FAM227A: variants seen among roughly 807,000 people sequenced by gnomAD.
The protein encoded by FAM227A is family with sequence similarity 227 member A, also known as protein FAM227A.
FAM227A carries 80 observed loss-of-function variants against 74.7 expected under a neutral mutation model. That is an observed-to-expected ratio of 1.07 (90% CI 0.89 to 1.29). The LOEUF is 1.29. Ranked by LOEUF, FAM227A falls within the 50% of genes most tolerant of loss-of-function variation. The pLI is 0.00. For missense variants in FAM227A, 654 were observed against 683.4 expected, an observed-to-expected ratio of 0.96 and a Z score of 0.48; for synonymous variants, 237 against 241.8, an observed-to-expected ratio of 0.98 and a Z score of 0.19.
intron 13 of FAM227A, among the ~76,000 whole-genome samples, chr22:38,602,978 A>G (rs1428312945): frequency 6.6e-6 from 1 of 152,090 alleles, no homozygotes; most frequent in Non-Finnish European, 1.5e-5. Flanking sequence ...GGTTCAAGCA[A>G]TTCTCCTGCC....
At chr22:38,652,625 G>A (rs374453754) in intron 1 of FAM227A, among the ~76,000 whole-genome samples, 3 of 140,488 alleles carry the variant, frequency 2.1e-5, no homozygotes, top group African/African-American at 5.3e-5. Context: ...GGTGGCTTAC[G>A]CCTATAATCC....
intron 2 of FAM227A, among the ~76,000 whole-genome samples, chr22:38,647,210 A>G (rs576957051): frequency 6.6e-6 from 1 of 152,208 alleles, no homozygotes; most frequent in African/African-American, 2.4e-5. Context: ...CACGCCTGTA[A>G]TCTCAGCCCT....
At chr22:38,617,408 G>T (rs2091601761) in intron 11 of FAM227A, among the ~76,000 whole-genome samples, 3 of 149,776 alleles carry the variant, frequency 2.0e-5, no homozygotes, top group South Asian at 4.2e-4. Flanking sequence ...CAAATCTCTT[G>T]CCTCAGTCTC....
rs1420029091 is a variant in FAM227A, at chr22:38,580,124, T to A, written c.*6001A>T. ...TTTGTAGAGACAAGGTCTCACTATG[T>A]TACCCGGTTTGGTCTCACCTCCTGG... On this transcript the variant is annotated 3_prime_UTR_variant, in exon 17 of 17. Coordinates refer to ENST00000535113, the MANE Select transcript of FAM227A (RefSeq NM_001013647.2). The A allele has an allele frequency of 6.6e-6, 1 of 152,224 alleles. No individual in the cohort carries two copies. The highest frequency in any genetic ancestry group is 6.5e-5 in the Admixed American group (1 of 15,274). 9.4% of individuals were successfully genotyped at this position (152,224 alleles called of 1,614,324 possible).
chr22:38,628,978 T>C lies in FAM227A; in HGVS notation c.520-43A>G, dbSNP rs767319091. ...ACAGTATTATTATTGTTGTTATCTTTTTAAAAATCCATCTGGAGTCAATGT... is the reference window on the plus strand; with the variant it reads ...ACAGTATTATTATTGTTGTTATCTTCTTAAAAATCCATCTGGAGTCAATGT... On this transcript the variant is annotated intron_variant, in intron 6 of 16. Coordinates refer to ENST00000535113, the MANE Select transcript of FAM227A (RefSeq NM_001013647.2). The C allele has an allele frequency of 3.1e-5, 37 of 1,203,710 alleles. No individual in the cohort carries two copies. The Admixed American group carries it at 4.3e-4, about 14-fold the overall frequency. The allele number at this position is 1,203,710 out of a possible 1,614,324, so 74.6% of individuals were successfully genotyped here.
Position 38,638,736 on chromosome 22 carries a change from G to A in FAM227A, c.372+10C>T. On this transcript the variant is annotated intron_variant, in intron 5 of 16. Transcript: ENST00000535113. ...CCGGTCAGAAACAGACACAGCAGTA[G>A]ATCCCTTACCCTTTTTATAACAGAA... 1.3e-6 allele frequency: 2 copies of A among 1,540,410 alleles called. No homozygotes were observed. Among genetic ancestry groups the A allele is most frequent in the Non-Finnish European group, 1.8e-6 (2 of 1,136,988 alleles).
intron 16 of FAM227A, among the ~76,000 whole-genome samples, chr22:38,590,104 A>G (rs903367802): frequency 2.0e-5 from 3 of 151,334 alleles, no homozygotes; most frequent in African/African-American, 7.3e-5. Flanking sequence ...AAAACAAAAC[A>G]AAACAAAACA....
chr22:38,623,853 T>C (rs2091742488), intron 9 of FAM227A, among the ~76,000 whole-genome samples: 1 of 152,192 alleles, frequency 6.6e-6, no homozygotes, highest in Non-Finnish European at 1.5e-5. Flanking sequence ...CTTAGCTTAG[T>C]GCCAGAAATG....
intron 13 of FAM227A, among the ~76,000 whole-genome samples, chr22:38,600,778 C>G (rs1288019475): frequency 6.6e-6 from 1 of 151,624 alleles, no homozygotes; most frequent in African/African-American, 2.4e-5. Context: ...ATGGTAAAAC[C>G]CTGTCTCTAC....
chr22:38,628,989 A>T, intron 6 of FAM227A, 54 bp from the exon 7 acceptor site: 1 of 1,084,970 alleles, frequency 9.2e-7, no homozygotes, highest in Non-Finnish European at 1.3e-6. Flanking sequence ...TTAAAAATCC[A>T]TCTGGAGTCA....
Position 38,582,010 on chromosome 22 carries a change from T to C in FAM227A, c.*4115A>G. 1 of 224,992 alleles carries C rather than the reference T, an allele frequency of 4.4e-6. No individual in the cohort carries two copies. Among genetic ancestry groups the C allele is most frequent in the Non-Finnish European group, 8.7e-6 (1 of 114,860 alleles). 13.9% of individuals were successfully genotyped at this position (224,992 alleles called of 1,614,324 possible). A position where few individuals can be genotyped will look rare whatever the true frequency, so the allele number is the denominator to read the frequency against. Reference sequence around the variant, plus strand: ...CTCTTGCCTTGGCCTTCCAAAGTGCTGGGATTACAGGTGTGAGCCACCATG... The same window carrying C: ...CTCTTGCCTTGGCCTTCCAAAGTGCCGGGATTACAGGTGTGAGCCACCATG... On this transcript the variant is annotated 3_prime_UTR_variant, in exon 17 of 17. Transcript: ENST00000535113.
chr22:38,647,471 CA>C (rs145409758), intron 2 of FAM227A, among the ~76,000 whole-genome samples: 1 of 151,540 alleles, frequency 6.6e-6, no homozygotes, highest in Non-Finnish European at 1.5e-5. Context: ...AACGAAACAA[CA>C]AAAAAAAGAA....
Position 38,650,032 on chromosome 22 carries a change from G to C in FAM227A, c.137C>G (p.Pro46Arg). Residue 46 changes from proline to arginine, a missense_variant, in exon 2 of 17, where the codon CCA becomes CGA. Physicochemically the swap from Pro to Arg is moderately radical, Grantham distance 103. Transcript: ENST00000535113. ...KTVRKELENN[P>R]PSCLIGSMHQ... ...TGACATCACCAGAAGGATACAGGGT[G>C]GATTGTTCTCTAACTCCTTCCTCAC... The C allele has an allele frequency of 9.0e-6, 14 of 1,552,218 alleles. No individual in the cohort carries two copies. The highest frequency in any genetic ancestry group is 1.1e-5 in the Non-Finnish European group (13 of 1,147,114).
chr22:38,612,611 G>C (rs952232588), intron 11 of FAM227A, among the ~76,000 whole-genome samples: 2 of 152,156 alleles, frequency 1.3e-5, no homozygotes, highest in Admixed American at 6.6e-5. Flanking sequence ...CTGGGGTGCA[G>C]ACATTTCACC....
chr22:38,616,751 C>T (rs574126529), intron 11 of FAM227A, among the ~76,000 whole-genome samples: 10 of 151,816 alleles, frequency 6.6e-5, no homozygotes, highest in African/African-American at 2.4e-4. Context: ...GATGAAAGCA[C>T]GGCTGTTCAG....
chr22:38,645,811 G>A (rs1203473613), intron 2 of FAM227A, among the ~76,000 whole-genome samples, 166 bp from the exon 3 acceptor site: 2 of 151,864 alleles, frequency 1.3e-5, no homozygotes, highest in Non-Finnish European at 2.9e-5. Flanking sequence ...TCTGAGACAG[G>A]GCCACGCTTT....
chr22:38,596,643 C>T (rs1277422528), intron 15 of FAM227A, among the ~76,000 whole-genome samples: 1 of 151,834 alleles, frequency 6.6e-6, no homozygotes, highest in Admixed American at 6.6e-5. Context: ...GAATACTTGG[C>T]AAATGCCTGA....
chr22:38,626,959 T>C (rs1400713095), intron 8 of FAM227A, among the ~76,000 whole-genome samples: 1 of 142,580 alleles, frequency 7.0e-6, no homozygotes, highest in Non-Finnish European at 1.5e-5. Flanking sequence ...TAGCTAGGTG[T>C]GGTGGTGCAT....
At chr22:38,639,464 T>C (rs918525752) in intron 4 of FAM227A, 191 bp downstream of exon 4, 1 of 638,426 alleles carries the variant, frequency 1.6e-6, no homozygotes, top group Non-Finnish European at 2.8e-6. Flanking sequence ...GTGCCACATG[T>C]AGGTGGTCTC....
Sources: gnomAD v4.1 joint callset for allele counts (sites outside exome capture counted in the v4.1 genomes callset) on GRCh38, gnomAD v4.1.1 for gene constraint, MANE v1.5 for transcripts, NCBI Gene and HGNC (gene_info 2026-07-23, HGNC 2026-07-21) for gene names.